Variants in DLGAP2 observed in about 807,000 individuals in gnomAD.
The protein encoded by DLGAP2 is disks large-associated protein 2.
A neutral mutation model predicts 100.3 loss-of-function variants in DLGAP2; 26 were observed. The observed-to-expected ratio is 0.26, with a 90% CI of 0.19 to 0.36. The LOEUF (loss-of-function observed/expected upper bound fraction) is 0.36. Ranked by LOEUF, DLGAP2 falls within the 10% of genes least tolerant of loss-of-function variation. The pLI, the probability that DLGAP2 is intolerant of heterozygous loss-of-function variation, is 1.00. For missense variants in DLGAP2, 1,858 were observed against 1,453.2 expected (o/e 1.28, Z -4.53); for synonymous variants, 886 against 630.1 (o/e 1.41, Z -6.08).
At chr8:985,091 T>C (rs1800447688) in intron 2 of DLGAP2, among the ~76,000 whole-genome samples, 1 of 152,332 alleles carries the variant, frequency 6.6e-6, no homozygotes, top group Non-Finnish European at 1.5e-5. Context: ...TGTTTCCACG[T>C]AGTCATATCT....
At chr8:1,536,004 C>T (rs748531882) in intron 4 of DLGAP2, among the ~76,000 whole-genome samples, 5 of 152,164 alleles carry the variant, frequency 3.3e-5, no homozygotes, top group East Asian at 1.9e-4. Context: ...TCTAGTGTGT[C>T]GGCTATAATG....
chr8:1,019,988 G>A (rs935380339), intron 2 of DLGAP2, among the ~76,000 whole-genome samples: 1 of 152,148 alleles, frequency 6.6e-6, no homozygotes, highest in African/African-American at 2.4e-5. Flanking sequence ...CTTTGGTTCA[G>A]TATTTTATTT....
chr8:1,489,467 G>T (rs1014664944), intron 3 of DLGAP2, among the ~76,000 whole-genome samples: 2 of 152,194 alleles, frequency 1.3e-5, no homozygotes, highest in Non-Finnish European at 2.9e-5. Flanking sequence ...AAGGAAGGAA[G>T]CTGTACGTCT....
intron 2 of DLGAP2, among the ~76,000 whole-genome samples, chr8:1,180,776 G>C (rs988101465): frequency 2.0e-5 from 3 of 152,008 alleles, no homozygotes; most frequent in African/African-American, 7.2e-5. Context: ...AGTTACTGTC[G>C]AGTGTGTGTG....
At position 973,900 on chromosome 8, in the gene DLGAP2, G is replaced by A. The variant is rs577163196; in HGVS notation, c.73+65934G>A. On this transcript the variant is annotated intron_variant, in intron 2 of 14. Coordinates refer to ENST00000637795, the MANE Select transcript of DLGAP2 (RefSeq NM_001346810.2). ...CCTCTTCCCCTCCTCCGCCACCGCC[G>A]CCACCGCCACCGCCGCCACCCCGGC... Among the ~76,000 whole-genome samples the A allele has an allele frequency of 3.4e-4, 46 of 136,692 alleles. 1 individual carries two copies. The highest frequency in any genetic ancestry group is 6.1e-5 in the Non-Finnish European group (4 of 66,034). The allele number at this position is 136,692 out of a possible 152,430, so 89.7% of individuals were successfully genotyped here. A position where few individuals can be genotyped will look rare whatever the true frequency, so the allele number is the denominator to read the frequency against.
chr8:1,358,923 A>G (rs1478095167), intron 3 of DLGAP2, among the ~76,000 whole-genome samples: 2 of 152,074 alleles, frequency 1.3e-5, no homozygotes, highest in Admixed American at 6.5e-5. Flanking sequence ...AGAGGCCCCA[A>G]AGGGAGAGAG....
chr8:1,258,847 T>A lies in DLGAP2; in HGVS notation c.74-4T>A. The A allele has an allele frequency of 8.1e-7, 1 of 1,231,762 alleles. No individual in the cohort carries two copies. Among genetic ancestry groups the A allele is most frequent in the Non-Finnish European group, 1.0e-6 (1 of 987,986 alleles). 76.3% of individuals were successfully genotyped at this position (1,231,762 alleles called of 1,614,324 possible). On this transcript the variant is annotated splice_region_variant and splice_polypyrimidine_tract_variant and intron_variant, in intron 2 of 14. Transcript: ENST00000637795. ...TAACAGCTTCTCTCTGTCTCTGTTT[T>A]CAGAGTCGCAGTGCACGCTCTGCGG... is the stretch of plus-strand genomic sequence containing the variant.
intron 2 of DLGAP2, among the ~76,000 whole-genome samples, chr8:933,444 CG>C (rs1563101735): frequency 4.6e-5 from 6 of 129,384 alleles, no homozygotes; most frequent in Admixed American, 8.0e-5. Context: ...GCTGTGGGCA[CG>C]AGGGGAGGGT....
At chr8:1,477,431 C>T (rs898041354) in intron 3 of DLGAP2, among the ~76,000 whole-genome samples, 4 of 152,218 alleles carry the variant, frequency 2.6e-5, no homozygotes, top group Non-Finnish European at 4.4e-5. Context: ...CTCCGCTTTG[C>T]CTGTCCCTGC....
At chr8:903,599 G>A (rs1384062815) in intron 1 of DLGAP2, among the ~76,000 whole-genome samples, 2 of 152,104 alleles carry the variant, frequency 1.3e-5, no homozygotes, top group South Asian at 2.1e-4. Context: ...CTTGGTATGA[G>A]TGTTATTCCT....
Position 1,666,836 on chromosome 8 carries a change from G to T in DLGAP2, c.1811-1493G>T, listed in dbSNP as rs116174425. On this transcript the variant is annotated intron_variant, in intron 8 of 14. Transcript: ENST00000637795. ...GTGGATTAGGAAAATCCACTCATGG[G>T]TTAAAAATGATTGGAGGAGGTGAGG... Among the ~76,000 whole-genome samples the T allele has an allele frequency of 2.6e-3, 392 of 152,298 alleles. 2 individuals carry two copies. Among genetic ancestry groups the T allele is most frequent in the African/African-American group, 9.1e-3 (380 of 41,552 alleles).
chr8:1,234,164 C>T (rs1019170991), intron 2 of DLGAP2, among the ~76,000 whole-genome samples: 7 of 152,192 alleles, frequency 4.6e-5, no homozygotes, highest in Non-Finnish European at 7.3e-5. Flanking sequence ...CCCTCGAAAG[C>T]GGAAAGTCCT....
chr8:1,669,848 G>C, intron 10 of DLGAP2, 64 bp downstream of exon 10: 1 of 780,408 alleles, frequency 1.3e-6, no homozygotes, highest in South Asian at 1.3e-5. Context: ...CCCTTTTTTG[G>C]ATGTTCATGC....
At chr8:1,073,666 G>C (rs982225536) in intron 2 of DLGAP2, among the ~76,000 whole-genome samples, 1 of 152,240 alleles carries the variant, frequency 6.6e-6, no homozygotes, top group Non-Finnish European at 1.5e-5. Context: ...CAGAGGAGCT[G>C]TGTGTGCATT....
chr8:1,418,824 C>T (rs373625271), intron 3 of DLGAP2, among the ~76,000 whole-genome samples: 1 of 152,340 alleles, frequency 6.6e-6, no homozygotes, highest in East Asian at 1.9e-4. Flanking sequence ...GGACGCAGCC[C>T]CGCAAGACCA....
intron 1 of DLGAP2, among the ~76,000 whole-genome samples, chr8:806,363 C>T (rs1433509539): frequency 6.6e-6 from 1 of 152,220 alleles, no homozygotes; most frequent in Non-Finnish European, 1.5e-5. Flanking sequence ...CACTCTGCAG[C>T]AGCCGTGCCG....
At chr8:1,158,618 C>T (rs1796835742) in intron 2 of DLGAP2, among the ~76,000 whole-genome samples, 1 of 152,196 alleles carries the variant, frequency 6.6e-6, no homozygotes, top group South Asian at 2.1e-4. Flanking sequence ...TATGTGGAAG[C>T]CCTGTATGGT....
chr8:1,256,461 G>GTC (rs1284929840), intron 2 of DLGAP2, among the ~76,000 whole-genome samples: 2,611 of 128,774 alleles, frequency 0.02, 270 homozygotes, highest in African/African-American at 0.084. Context: ...GGTGCTGTGC[G>GTC]TGTCCTCTCC....
chr8:1,321,321 CGT>C (rs533019559), intron 3 of DLGAP2, among the ~76,000 whole-genome samples: 34 of 150,764 alleles, frequency 2.3e-4, no homozygotes, highest in Admixed American at 4.0e-4. Context: ...TCTGCGTGTG[CGT>C]GTGTGTCTGT....
Sources: gnomAD v4.1 joint callset for allele counts (sites outside exome capture counted in the v4.1 genomes callset) on GRCh38, gnomAD v4.1.1 for gene constraint, MANE v1.5 for transcripts, NCBI Gene and HGNC (gene_info 2026-07-23, HGNC 2026-07-21) for gene names.